Variants in LRP1B observed in about 807,000 individuals in gnomAD.
LRP1B encodes the protein low-density lipoprotein receptor-related protein 1B.
LRP1B carries 217 observed loss-of-function variants against 556.6 expected under a neutral mutation model. The ratio of observed to expected loss-of-function variants is 0.39; its 90% CI spans 0.35 to 0.44. The LOEUF (loss-of-function observed/expected upper bound fraction) is 0.44. Ranked by LOEUF, LRP1B falls within the 20% of genes least tolerant of loss-of-function variation. LRP1B has a pLI of 1.00. For synonymous variants in LRP1B, 2,047 were observed against 1,865.8 expected, an observed-to-expected ratio of 1.10 and a Z score of -2.50; for missense variants, 5,053 against 5,620.8, an observed-to-expected ratio of 0.90 and a Z score of 3.23.
chr2:141,990,697 T>C (rs903848416), intron 1 of LRP1B, among the ~76,000 whole-genome samples: 4 of 152,096 alleles, frequency 2.6e-5, no homozygotes, highest in African/African-American at 9.7e-5. Flanking sequence ...AAAGCCATGA[T>C]TTTTAATGCA....
intron 2 of LRP1B, among the ~76,000 whole-genome samples, chr2:141,753,787 T>TAA (rs1209699809): frequency 2.0e-5 from 3 of 152,212 alleles, no homozygotes; most frequent in African/African-American, 7.2e-5. Context: ...TTACACTATA[T>TAA]AAAATCACCC....
Position 141,275,181 on chromosome 2 carries a change from A to T in LRP1B, c.344-20540T>A, listed in dbSNP as rs181429948. Among the ~76,000 whole-genome samples the T allele has an allele frequency of 1.5e-3, 235 of 152,250 alleles. 1 individual carries two copies. Among genetic ancestry groups the T allele is most frequent in the African/African-American group, 5.2e-3 (215 of 41,536 alleles). ...GGTTTCAGAAGTTGTATCACCAATA[A>T]TTTTTTTTAAAATAGTAAAGTAAAT... On this transcript the variant is annotated intron_variant, in intron 3 of 90. Coordinates refer to ENST00000389484, the MANE Select transcript of LRP1B (RefSeq NM_018557.3).
At chr2:141,599,065 CCCCCCCCCCG>C (rs1687637972) in intron 2 of LRP1B, among the ~76,000 whole-genome samples, 15 of 84,172 alleles carry the variant, frequency 1.8e-4, no homozygotes, top group African/African-American at 7.8e-4. Flanking sequence ...CCCCCCCCCC[CCCCCCCCCCG>C]CTTTAACTCT....
chr2:141,683,635 T>C (rs1437344), intron 2 of LRP1B, among the ~76,000 whole-genome samples: 8,744 of 152,112 alleles, frequency 0.057, 328 homozygotes, highest in South Asian at 0.11. Context: ...TTGCCTATTG[T>C]AAAATGCAAA....
intron 11 of LRP1B, among the ~76,000 whole-genome samples, chr2:141,038,758 T>G (rs1407502499): frequency 1.3e-5 from 2 of 152,108 alleles, no homozygotes; most frequent in Non-Finnish European, 2.9e-5. Flanking sequence ...AAGTTCATAA[T>G]AGTATTCCTA....
At chr2:141,360,411 A>G (rs2714173) in intron 3 of LRP1B, among the ~76,000 whole-genome samples, 86,160 of 152,146 alleles carry the variant, frequency 0.57, 25,244 homozygotes, top group Non-Finnish European at 0.63. Context: ...ATGTGAATTG[A>G]TACTTTTGTA....
chr2:141,110,126 A>G (rs1388583625), intron 7 of LRP1B, among the ~76,000 whole-genome samples: 1 of 152,228 alleles, frequency 6.6e-6, no homozygotes, highest in Non-Finnish European at 1.5e-5. Context: ...AAGTAGCTAA[A>G]TAAGTAAAAT....
intron 11 of LRP1B, among the ~76,000 whole-genome samples, chr2:141,032,191 TG>T (rs1698391751): frequency 2.0e-5 from 3 of 152,130 alleles, no homozygotes; most frequent in Admixed American, 6.6e-5. Context: ...TTATGGGTTT[TG>T]TTGATTTAAG....
intron 7 of LRP1B, among the ~76,000 whole-genome samples, chr2:141,168,809 G>T (rs1680372936): frequency 6.6e-6 from 1 of 151,976 alleles, no homozygotes; most frequent in African/African-American, 2.4e-5. Flanking sequence ...CTCCTGTTCT[G>T]TAAAATGGGT....
chr2:141,978,900 T>A (rs1003277025), intron 1 of LRP1B, among the ~76,000 whole-genome samples: 18 of 152,080 alleles, frequency 1.2e-4, no homozygotes, highest in East Asian at 7.7e-4. Flanking sequence ...CAGAAGAAAT[T>A]GGGTGAAAGA....
intron 41 of LRP1B, among the ~76,000 whole-genome samples, chr2:140,689,681 T>C (rs1404509086): frequency 2.0e-5 from 3 of 152,216 alleles, no homozygotes; most frequent in African/African-American, 7.2e-5. Flanking sequence ...ATCTCTATCT[T>C]GTGATGGATG....
At position 142,115,843 on chromosome 2, in the gene LRP1B, TATATATATATAC is replaced by T. The variant is rs1391420430; in HGVS notation, c.82+14793_82+14804del. ...TGTAATATATATCATATATATGTAA[TATATATATATAC>T]ATATATATATATATGGGGGAAGTGA... On this transcript the variant is annotated intron_variant, in intron 1 of 90. Transcript: ENST00000389484. Among the ~76,000 whole-genome samples the T allele has an allele frequency of 1.3e-3, 10 of 7,944 alleles. 4 individuals are homozygous for T. Among genetic ancestry groups the T allele is most frequent in the African/African-American group, 3.8e-3 (10 of 2,618 alleles). The allele number at this position is 7,944 out of a possible 152,430, so 5.2% of individuals were successfully genotyped here.
chr2:140,599,181 C>T (rs980544221), intron 42 of LRP1B, among the ~76,000 whole-genome samples: 15 of 152,014 alleles, frequency 9.9e-5, no homozygotes, highest in Admixed American at 3.3e-4. Context: ...TGCAAATATA[C>T]CCTAACTTAT....
chr2:141,323,921 C>CCACA (rs57844457), intron 3 of LRP1B, among the ~76,000 whole-genome samples: 42,689 of 129,570 alleles, frequency 0.33, 8,523 homozygotes, highest in Non-Finnish European at 0.44. Flanking sequence ...AACGAGGAAA[C>CCACA]CACACACACA....
At chr2:141,733,781 C>A (rs1693365243) in intron 2 of LRP1B, among the ~76,000 whole-genome samples, 3 of 152,052 alleles carry the variant, frequency 2.0e-5, no homozygotes, top group Non-Finnish European at 4.4e-5. Context: ...TTTCTGCCTG[C>A]CTAAAATCAA....
At chr2:140,724,862 T>A (rs1027252152) in intron 35 of LRP1B, among the ~76,000 whole-genome samples, 4 of 152,206 alleles carry the variant, frequency 2.6e-5, no homozygotes, top group African/African-American at 9.6e-5. Flanking sequence ...TTTACTTAGA[T>A]TTTAATTATT....
chr2:141,866,538 G>A (rs1022644527), intron 1 of LRP1B, among the ~76,000 whole-genome samples: 15 of 152,120 alleles, frequency 9.9e-5, no homozygotes, highest in Non-Finnish European at 2.1e-4. Context: ...GAAAATGGCT[G>A]CACAGTAATT....
chr2:140,423,313 G>T (rs1013376439), intron 66 of LRP1B, among the ~76,000 whole-genome samples: 2 of 151,806 alleles, frequency 1.3e-5, no homozygotes, highest in African/African-American at 4.8e-5. Flanking sequence ...CAAAAAATCT[G>T]GACAATACAA....
At chr2:141,043,948 G>A (rs978827478) in intron 11 of LRP1B, among the ~76,000 whole-genome samples, 6 of 151,942 alleles carry the variant, frequency 3.9e-5, no homozygotes, top group African/African-American at 1.4e-4. Flanking sequence ...CCAAAAAAGA[G>A]CTCGCATCAC....
Sources: gnomAD v4.1 joint callset for allele counts (sites outside exome capture counted in the v4.1 genomes callset) on GRCh38, gnomAD v4.1.1 for gene constraint, MANE v1.5 for transcripts, NCBI Gene and HGNC (gene_info 2026-07-23, HGNC 2026-07-21) for gene names.